The following ATG7 variants were observed in gnomAD, a reference collection of about 807,000 sequenced individuals.
ATG7 encodes autophagy related 7.
In ATG7, 70 loss-of-function variants were observed where a neutral mutation model predicts 82.4. The observed-to-expected ratio is 0.85, with a 90% CI of 0.70 to 1.04. The LOEUF (loss-of-function observed/expected upper bound fraction) is 1.04. Among genes scored for constraint, ATG7 ranks in the 50% least tolerant of loss-of-function variants. ATG7 has a pLI of 0.00. For synonymous variants in ATG7, 287 were observed against 313.0 expected (o/e 0.92, Z 0.88); for missense variants, 792 against 864.3 (o/e 0.92, Z 1.05).
chr3:11,291,170 G>A (rs1284460004), intron 3 of ATG7, among the ~76,000 whole-genome samples: 2 of 152,186 alleles, frequency 1.3e-5, no homozygotes, highest in Non-Finnish European at 2.9e-5. Flanking sequence ...GAAAGTTGTG[G>A]ATGACTGACA....
At position 11,309,040 on chromosome 3, in the gene ATG7, G is replaced by C. The variant is rs904143155; in HGVS notation, c.390G>C (p.Lys130Asn). 1.2e-6 allele frequency: 2 copies of C among 1,613,968 alleles called. No homozygotes were observed. The highest frequency in any genetic ancestry group is 1.7e-5 in the Admixed American group (1 of 60,016). Residue 130 changes from lysine (K) to asparagine (N), a missense_variant, in exon 7 of 21, where the codon AAG becomes AAC. Coordinates refer to ENST00000693202, the MANE Select transcript of ATG7 (RefSeq NM_001349232.2). ...TTGAAAACCCTGTACTCCTCAACAAGTTCCTCCTCTTGACATTTGCAGTAA... is the reference window on the plus strand; with the variant it reads ...TTGAAAACCCTGTACTCCTCAACAACTTCCTCCTCTTGACATTTGCAGTAA... ...TALENPVLLN[K>N]FLLLTFADLK...
At chr3:11,494,206 A>G (rs1233513890) in intron 20 of ATG7, among the ~76,000 whole-genome samples, 1 of 152,198 alleles carries the variant, frequency 6.6e-6, no homozygotes, top group East Asian at 1.9e-4. Context: ...TCAGGGGTTT[A>G]TATGCCAGAG....
chr3:11,308,021 G>A (rs886584095), intron 6 of ATG7, among the ~76,000 whole-genome samples: 7 of 152,166 alleles, frequency 4.6e-5, no homozygotes, highest in East Asian at 1.9e-4. Flanking sequence ...AGCAGGCTCT[G>A]CCCCCACAGG....
At chr3:11,534,529 G>A (rs1453150374) in intron 20 of ATG7, among the ~76,000 whole-genome samples, 1 of 152,252 alleles carries the variant, frequency 6.6e-6, no homozygotes, top group African/African-American at 2.4e-5. Flanking sequence ...GAACGCATCA[G>A]GGTTCTTCCT....
chr3:11,498,924 C>G (rs2091090769), intron 20 of ATG7, among the ~76,000 whole-genome samples: 1 of 152,198 alleles, frequency 6.6e-6, no homozygotes, highest in African/African-American at 2.4e-5. Context: ...GACTTCTGGT[C>G]TCTGAGTTCA....
At chr3:11,395,237 T>C (rs1404425234) in intron 19 of ATG7, among the ~76,000 whole-genome samples, 1 of 151,598 alleles carries the variant, frequency 6.6e-6, no homozygotes, top group Non-Finnish European at 1.5e-5. Context: ...AGATGGAAAA[T>C]ATAAAAAAGG....
intron 3 of ATG7, among the ~76,000 whole-genome samples, chr3:11,287,693 G>A (rs1035263916): frequency 2.0e-5 from 3 of 152,248 alleles, no homozygotes; most frequent in African/African-American, 7.2e-5. Context: ...TGAATGTTTT[G>A]AGTAGACTGT....
chr3:11,385,538 A>G (rs1467624231), intron 19 of ATG7, among the ~76,000 whole-genome samples: 1 of 152,240 alleles, frequency 6.6e-6, no homozygotes, highest in Non-Finnish European at 1.5e-5. Context: ...ACTGTCTTCA[A>G]GGAACACTGC....
intron 19 of ATG7, among the ~76,000 whole-genome samples, chr3:11,401,073 C>T (rs567392283): frequency 6.6e-5 from 10 of 152,144 alleles, no homozygotes. Flanking sequence ...CAAAGTGGTC[C>T]GAGCACCAGC....
chr3:11,297,681 T>A (rs779976375), intron 3 of ATG7, among the ~76,000 whole-genome samples: 1 of 152,112 alleles, frequency 6.6e-6, no homozygotes, highest in African/African-American at 2.4e-5. Flanking sequence ...AGATAAAATA[T>A]GAGATTTCAA....
At position 11,306,295 on chromosome 3, in the gene ATG7, A is replaced by G. The variant is rs574015187; in HGVS notation, c.216-648A>G. ...GGTTGTGGGGCAGTCAGGAGAACAC[A>G]TACTTTCTATCCTCAAGGAGCTTAG... On this transcript the variant is annotated intron_variant, in intron 5 of 20. Coordinates refer to ENST00000693202, the MANE Select transcript of ATG7 (RefSeq NM_001349232.2). 4.6e-5 allele frequency among the ~76,000 whole-genome samples: 7 copies of G among 152,348 alleles called. No homozygotes were observed. In the South Asian group the frequency reaches 1.4e-3, roughly 32 times the overall value.
intron 8 of ATG7, among the ~76,000 whole-genome samples, chr3:11,313,710 C>G (rs1949006937): frequency 6.6e-6 from 1 of 152,186 alleles, no homozygotes; most frequent in Admixed American, 6.5e-5. Context: ...TCAGGTGATC[C>G]TCTCATCTCA....
chr3:11,298,635 G>C, intron 3 of ATG7, 51 bp from the exon 4 acceptor site: 1 of 1,532,254 alleles, frequency 6.5e-7, no homozygotes, highest in Non-Finnish European at 8.9e-7. Context: ...TTTCTCACCA[G>C]GTTTTGCATG....
chr3:11,274,169 T>C (rs552511284), intron 1 of ATG7, among the ~76,000 whole-genome samples: 2 of 152,274 alleles, frequency 1.3e-5, no homozygotes, highest in South Asian at 2.1e-4. Context: ...CAACCACAGG[T>C]TCCGTTTTTC....
chr3:11,458,461 C>T (rs2085968991), intron 20 of ATG7, among the ~76,000 whole-genome samples: 1 of 152,156 alleles, frequency 6.6e-6, no homozygotes, highest in Admixed American at 6.6e-5. Context: ...GACTGGGTTT[C>T]ACCGTGTTAG....
At chr3:11,415,512 T>C (rs1292092112) in intron 19 of ATG7, among the ~76,000 whole-genome samples, 1 of 152,172 alleles carries the variant, frequency 6.6e-6, no homozygotes, top group African/African-American at 2.4e-5. Context: ...TACAAAAACA[T>C]TTTTTCTTTA....
intron 20 of ATG7, among the ~76,000 whole-genome samples, chr3:11,440,323 C>CTT (rs59365367): frequency 0.042 from 4,832 of 113,820 alleles, 563 homozygotes; most frequent in African/African-American, 0.13. Context: ...GGCCTTTACT[C>CTT]TTTTTTTTTT....
At chr3:11,471,502 T>C (rs1288390893) in intron 20 of ATG7, among the ~76,000 whole-genome samples, 2 of 152,196 alleles carry the variant, frequency 1.3e-5, no homozygotes, top group Non-Finnish European at 2.9e-5. Context: ...AAATTTTTAC[T>C]GTCTCCATTT....
At chr3:11,562,023 G>A (rs185647619), downstream of ATG7, among the ~76,000 whole-genome samples, 8 of 150,262 alleles carry the variant, frequency 5.3e-5, no homozygotes, top group African/African-American at 2.0e-4. Context: ...TCAGCCTCCC[G>A]AGTAGCTGGG....
Sources: allele counts gnomAD v4.1 joint callset (sites outside exome capture counted in the v4.1 genomes callset), GRCh38; gene constraint gnomAD v4.1.1; transcripts MANE v1.5; gene names NCBI Gene and HGNC (gene_info 2026-07-23, HGNC 2026-07-21).